The following RBM17 variants were observed in gnomAD, a reference collection of about 807,000 sequenced individuals.
RBM17 encodes RNA binding motif protein 17, also known as splicing factor 45.
In RBM17, 7 loss-of-function variants were observed where a neutral mutation model predicts 53.2. The observed-to-expected ratio is 0.13, with a 90% CI of 0.07 to 0.25. RBM17 has a LOEUF of 0.25. Among genes scored for constraint, RBM17 ranks in the 10% least tolerant of loss-of-function variants. The pLI is 1.00. For synonymous variants in RBM17, 167 were observed against 178.1 expected (o/e 0.94, Z 0.50); for missense variants, 257 against 496.7 (o/e 0.52, Z 4.59).
At chr10:6,114,633 G>A (rs573404324) in intron 10 of RBM17, 1 of 157,402 alleles carries the variant, frequency 6.4e-6, no homozygotes, top group East Asian at 1.9e-4. Flanking sequence ...AAAAGGATTA[G>A]ATCAGTGAAA....
rs1564566260 is a variant in RBM17, at chr10:6,098,569, T to TG, written c.123+1381_123+1382insG. Among the ~76,000 whole-genome samples, 4 of 85,582 alleles carry TG rather than the reference T, an allele frequency of 4.7e-5. No individual in the cohort carries two copies. In the East Asian group the frequency reaches 1.0e-3, roughly 21 times the overall value. The allele number at this position is 85,582 out of a possible 152,430, so 56.1% of individuals were successfully genotyped here. On this transcript the variant is annotated intron_variant, in intron 2 of 11. Transcript: ENST00000379888. ...CGTAATACACAGGTTTTTTGTTTTT[T>TG]TTTTTTTTTTTTTTTTTTTTTTTTG... is the stretch of plus-strand genomic sequence containing the variant.
intron 2 of RBM17, among the ~76,000 whole-genome samples, chr10:6,101,061 C>T (rs778622087): frequency 6.6e-6 from 1 of 152,028 alleles, no homozygotes; most frequent in Non-Finnish European, 1.5e-5. Context: ...AAACCTTTCA[C>T]AGAAATGGAG....
At chr10:6,104,484 T>C (rs1294725639) in intron 3 of RBM17, among the ~76,000 whole-genome samples, 3 of 152,232 alleles carry the variant, frequency 2.0e-5, no homozygotes, top group African/African-American at 7.2e-5. Context: ...CTTATCTCCA[T>C]GTAATCAGAA....
Position 6,109,931 on chromosome 10 carries a change from T to C in RBM17, c.563-55T>C, listed in dbSNP as rs1186735521. ...AGATAAATAATTGATACAAGTGAGG[T>C]TTCAGAGTGTTTTCTATAGTATTTT... is the stretch of plus-strand genomic sequence containing the variant. On this transcript the variant is annotated intron_variant, in intron 6 of 11. Transcript: ENST00000379888. 4.9e-6 allele frequency: 7 copies of C among 1,426,260 alleles called. No individual in the cohort carries two copies. The East Asian group carries it at 1.7e-4, about 34-fold the overall frequency. 88.4% of individuals were successfully genotyped at this position (1,426,260 alleles called of 1,614,324 possible). A position where few individuals can be genotyped will look rare whatever the true frequency, so the allele number is the denominator to read the frequency against.
Position 6,105,080 on chromosome 10 carries a change from A to C in RBM17, c.390A>C (p.Glu130Asp), listed in dbSNP as rs761703891. ...QRQRELERQK[E>D]IEEREKRRKD... ...AGCGGGAGCTGGAAAGACAAAAGGA[A>C]ATAGAAGAAAGGGAAAAGTAAGGCT... is the stretch of plus-strand genomic sequence containing the variant. The change falls in exon 4 of 12, where the codon GAA becomes GAC. Residue 130 changes from glutamate to aspartate, a missense_variant. Glu to Asp is a conservative substitution (Grantham distance 45, BLOSUM62 2). Transcript: ENST00000379888. 6.2e-7 allele frequency: 1 copy of C among 1,613,428 alleles called. No homozygotes were observed. The highest frequency in any genetic ancestry group is 8.5e-7 in the Non-Finnish European group (1 of 1,179,738).
intron 3 of RBM17, among the ~76,000 whole-genome samples, chr10:6,101,809 C>T (rs1840673894): frequency 6.6e-6 from 1 of 152,260 alleles, no homozygotes; most frequent in Middle Eastern, 3.4e-3. Context: ...AATTTAATTC[C>T]TTTAATGCTG....
intron 7 of RBM17, among the ~76,000 whole-genome samples, chr10:6,111,810 A>C (rs942868875): frequency 1.3e-5 from 2 of 152,148 alleles, no homozygotes; most frequent in Non-Finnish European, 2.9e-5. Context: ...ATTTAGGAAA[A>C]TGGGATCATC....
chr10:6,096,855 T>G (rs1840584513), intron 1 of RBM17, 193 bp from the exon 2 acceptor site: 2 of 369,440 alleles, frequency 5.4e-6, no homozygotes, highest in African/African-American at 4.2e-5. Context: ...TTTTAGAGGC[T>G]TATTTTAAAA....
rs1176409187 is a variant in RBM17 at position 6,114,227 on chromosome 10, G to T, written c.1029+80G>T. ...AAACATTTTCTACAAACAGGACAGG[G>T]TATGCTATAAGTAACATTCTTACTG... On this transcript the variant is annotated intron_variant, in intron 10 of 11. Coordinates refer to ENST00000379888, the MANE Select transcript of RBM17 (RefSeq NM_032905.5). 4 of 805,906 alleles carry T rather than the reference G, an allele frequency of 5.0e-6. No individual in the cohort carries two copies. The African/African-American group carries it at 5.1e-5, about 10-fold the overall frequency. The allele number at this position is 805,906 out of a possible 1,614,324, so 49.9% of individuals were successfully genotyped here. A position where few individuals can be genotyped will look rare whatever the true frequency, so the allele number is the denominator to read the frequency against.
At chr10:6,105,761 T>C (rs1376596852) in intron 4 of RBM17, among the ~76,000 whole-genome samples, 1 of 152,218 alleles carries the variant, frequency 6.6e-6, no homozygotes, top group Non-Finnish European at 1.5e-5. Context: ...AGTTAACATG[T>C]ATTAAATATT....
chr10:6,101,362 C>G lies in RBM17; in HGVS notation c.215C>G (p.Pro72Arg), dbSNP rs773621306. ...GATGACCGGCAAATTGTGGACACTC[C>G]ACCGCATGTAGCAGCTGGGCTGAAG... is the stretch of plus-strand genomic sequence containing the variant. ...SSDDRQIVDT[P>R]PHVAAGLKDP... Residue 72 changes from proline (P) to arginine (R), a missense_variant, in exon 3 of 12, where the codon CCA (proline) becomes CGA (arginine). Coordinates refer to ENST00000379888, the MANE Select transcript of RBM17 (RefSeq NM_032905.5). The G allele has an allele frequency of 5.0e-6, 8 of 1,612,864 alleles. No homozygotes were observed. The highest frequency in any genetic ancestry group is 6.8e-6 in the Non-Finnish European group (8 of 1,179,470).
intron 5 of RBM17, among the ~76,000 whole-genome samples, chr10:6,108,257 A>C (rs1205519544): frequency 6.6e-6 from 1 of 152,018 alleles, no homozygotes; most frequent in East Asian, 1.9e-4. Context: ...TCATTCTCTT[A>C]TTTGTAAACT....
chr10:6,102,453 GT>G (rs1840682187), intron 3 of RBM17, among the ~76,000 whole-genome samples: 1 of 152,164 alleles, frequency 6.6e-6, no homozygotes, highest in Non-Finnish European at 1.5e-5. Flanking sequence ...CTGAGGGCTG[GT>G]AGTTCTTCTG....
At chr10:6,102,770 C>G (rs1262019464) in intron 3 of RBM17, among the ~76,000 whole-genome samples, 1 of 152,116 alleles carries the variant, frequency 6.6e-6, no homozygotes, top group Non-Finnish European at 1.5e-5. Flanking sequence ...TTTTACATTG[C>G]CTTTATAAAT....
intron 3 of RBM17, among the ~76,000 whole-genome samples, chr10:6,103,569 T>C (rs1840701385): frequency 6.6e-6 from 1 of 152,238 alleles, no homozygotes; most frequent in African/African-American, 2.4e-5. Flanking sequence ...TTAAATGTCT[T>C]TTATAAAATG....
rs117662614 is a variant in RBM17, at chr10:6,108,413, T to G, written c.506-273T>G. 387 of 455,154 alleles carry G rather than the reference T, an allele frequency of 8.5e-4. 6 individuals are homozygous for G. The East Asian group carries it at 0.012, about 14-fold the overall frequency. The allele number at this position is 455,154 out of a possible 1,614,324, so 28.2% of individuals were successfully genotyped here. A position where few individuals can be genotyped will look rare whatever the true frequency, so the allele number is the denominator to read the frequency against. On this transcript the variant is annotated intron_variant, in intron 5 of 11. Transcript: ENST00000379888. ...GTTCTCTTGGTTGTATTGTTTTGCCTTAAAATTCATTTGCAGACTACATTG... is the reference window on the plus strand; with the variant it reads ...GTTCTCTTGGTTGTATTGTTTTGCCGTAAAATTCATTTGCAGACTACATTG...
intron 2 of RBM17, among the ~76,000 whole-genome samples, chr10:6,098,563 G>GTTTTTGTTTTTTT (rs1840616033): frequency 2.1e-5 from 1 of 46,666 alleles, no homozygotes; most frequent in African/African-American, 7.9e-5. Flanking sequence ...CAGGTTTTTT[G>GTTTTTGTTTTTTT]TTTTTTTTTT....
intron 4 of RBM17, 32 bp from the exon 5 acceptor site, chr10:6,106,109 G>C: frequency 1.3e-6 from 2 of 1,515,322 alleles, no homozygotes; most frequent in Non-Finnish European, 1.8e-6. Flanking sequence ...TGGTTCATCT[G>C]TGATGAACAT....
At chr10:6,103,266 C>T (rs1253812521) in intron 3 of RBM17, among the ~76,000 whole-genome samples, 2 of 152,172 alleles carry the variant, frequency 1.3e-5, no homozygotes, top group Non-Finnish European at 2.9e-5. Context: ...TTACCCCATC[C>T]TCCCCCCTCA....
Sources: allele counts gnomAD v4.1 joint callset (sites outside exome capture counted in the v4.1 genomes callset), GRCh38; gene constraint gnomAD v4.1.1; transcripts MANE v1.5; gene names NCBI Gene and HGNC (gene_info 2026-07-23, HGNC 2026-07-21).